The following HEATR1 variants were observed in gnomAD, a reference collection of about 807,000 sequenced individuals.
HEATR1 encodes HEAT repeat containing 1.
HEATR1 carries 77 observed loss-of-function variants against 248.2 expected under a neutral mutation model. That is an observed-to-expected ratio of 0.31 (90% CI 0.26 to 0.37). HEATR1 has a LOEUF of 0.37. HEATR1 is among the 10% of genes least tolerant of loss of function. HEATR1 has a pLI of 1.00. For synonymous variants in HEATR1, 897 were observed against 923.1 expected (o/e 0.97, Z 0.51); for missense variants, 2,420 against 2,504.9 (o/e 0.97, Z 0.72).
At chr1:236,572,031 C>T (rs529093338) in intron 26 of HEATR1, among the ~76,000 whole-genome samples, 3 of 152,138 alleles carry the variant, frequency 2.0e-5, no homozygotes, top group South Asian at 2.1e-4. Context: ...CACAAATCTA[C>T]GTATATAGAA....
At chr1:236,553,452 A>T in intron 43 of HEATR1, 129 bp downstream of exon 43, 1 of 958,774 alleles carries the variant, frequency 1.0e-6, no homozygotes, top group Non-Finnish European at 1.5e-6. Context: ...GACCTCTAGT[A>T]CTGGATGACA....
At position 236,574,658 on chromosome 1, in the gene HEATR1, G is replaced by A. The variant is rs746850980; in HGVS notation, c.3327+3C>T. 6.2e-7 allele frequency: 1 copy of A among 1,609,834 alleles called. No homozygotes were observed. Among genetic ancestry groups the A allele is most frequent in the Non-Finnish European group, 8.5e-7 (1 of 1,178,398 alleles). On this transcript the variant is annotated splice_donor_region_variant and intron_variant, in intron 23 of 44. Coordinates refer to ENST00000366582, the MANE Select transcript of HEATR1 (RefSeq NM_018072.6). ...GCCTTAGTTTCTGAAAGAAATCACT[G>A]ACCTTTTCAAGGGCTGTGATCTGAA...
At chr1:236,580,122 C>T (rs777432463) in intron 20 of HEATR1, among the ~76,000 whole-genome samples, 2 of 152,192 alleles carry the variant, frequency 1.3e-5, no homozygotes, top group South Asian at 2.1e-4. Context: ...ATGTCAATAG[C>T]TCTGTAAGTC....
chr1:236,581,550 A>G (rs1663740212), intron 19 of HEATR1, 136 bp from the exon 20 acceptor site: 1 of 570,694 alleles, frequency 1.8e-6, no homozygotes, highest in South Asian at 3.0e-5. Context: ...ATCATTTCAA[A>G]TTATTCCATA....
At chr1:236,557,984 G>A (rs1663021448) in intron 36 of HEATR1, among the ~76,000 whole-genome samples, 1 of 152,018 alleles carries the variant, frequency 6.6e-6, no homozygotes, top group Non-Finnish European at 1.5e-5. Context: ...TGTTGCCCAG[G>A]CTACAGTGCA....
chr1:236,579,910 A>T (rs1663663696), intron 20 of HEATR1, among the ~76,000 whole-genome samples: 1 of 148,576 alleles, frequency 6.7e-6, no homozygotes, highest in Non-Finnish European at 1.5e-5. Flanking sequence ...AACATTTACA[A>T]AGAGTAATTT....
intron 28 of HEATR1, 84 bp from the exon 29 acceptor site, chr1:236,569,208 T>A: frequency 9.1e-7 from 1 of 1,098,852 alleles, no homozygotes; most frequent in Non-Finnish European, 1.3e-6. Context: ...TCTCGCTCCG[T>A]CATTCAGGCT....
intron 43 of HEATR1, 120 bp from the exon 44 acceptor site, chr1:236,552,227 CA>C: frequency 1.6e-6 from 1 of 619,518 alleles, no homozygotes; most frequent in Non-Finnish European, 2.8e-6. Context: ...TGCGTTTATT[CA>C]CTTCATTATG....
chr1:236,557,947 ATTTC>A (rs1196092746), intron 36 of HEATR1, among the ~76,000 whole-genome samples: 4 of 152,264 alleles, frequency 2.6e-5, no homozygotes, highest in African/African-American at 9.6e-5. Context: ...TTTTATTATT[ATTTC>A]TTTAAGAGAC....
intron 16 of HEATR1, among the ~76,000 whole-genome samples, chr1:236,585,430 G>A (rs1221779590): frequency 6.6e-6 from 1 of 152,126 alleles, no homozygotes. Flanking sequence ...ACTGGTTAAT[G>A]TATTTAAATC....
At position 236,595,822 on chromosome 1, in the gene HEATR1, A is replaced by G. The variant is rs1664163975; in HGVS notation, c.956+11T>C. 1 of 1,606,430 alleles carries G rather than the reference A, an allele frequency of 6.2e-7. No homozygotes were observed. Reference sequence around the variant, plus strand: ...CTGACTAGCACCATTTCTCAATTCAATTGTACATACTTTTTCCCAAGGCTC... The same window carrying G: ...CTGACTAGCACCATTTCTCAATTCAGTTGTACATACTTTTTCCCAAGGCTC... On this transcript the variant is annotated intron_variant, in intron 7 of 44. Coordinates refer to ENST00000366582, the MANE Select transcript of HEATR1 (RefSeq NM_018072.6).
rs1049120592 is a variant in HEATR1, at chr1:236,599,400, G to C, written c.501+83C>G. The C allele has an allele frequency of 6.9e-6, 8 of 1,155,968 alleles. No homozygotes were observed. In the African/African-American group the frequency reaches 1.2e-4, roughly 18 times the overall value. 71.6% of individuals were successfully genotyped at this position (1,155,968 alleles called of 1,614,324 possible). A position where few individuals can be genotyped will look rare whatever the true frequency, so the allele number is the denominator to read the frequency against. On this transcript the variant is annotated intron_variant, in intron 4 of 44. Transcript: ENST00000366582. ...AGGTAGTTATCTGGACTATCCCCAG[G>C]AGCAATGACTTATTTTTTCCTAATT...
rs56115130 is a variant in HEATR1 at position 236,549,689 on chromosome 1, A to C, written c.*1213T>G. Reference sequence around the variant, plus strand: ...AGGCAAGAAGACTCGAGAATCCCCCAGAGTTATTTTTCTCCATAAAGACCA... The same window carrying C: ...AGGCAAGAAGACTCGAGAATCCCCCCGAGTTATTTTTCTCCATAAAGACCA... On this transcript the variant is annotated 3_prime_UTR_variant, in exon 45 of 45. Transcript: ENST00000366582. 8,632 of 152,258 alleles carry C rather than the reference A, an allele frequency of 0.057. 410 individuals are homozygous for C. The highest frequency in any genetic ancestry group is 0.21 in the East Asian group (1,105 of 5,172). The allele number at this position is 152,258 out of a possible 1,614,324, so 9.4% of individuals were successfully genotyped here.
chr1:236,571,057 G>C (rs1317288090), intron 28 of HEATR1, among the ~76,000 whole-genome samples: 2 of 152,226 alleles, frequency 1.3e-5, no homozygotes, highest in African/African-American at 2.4e-5. Flanking sequence ...TTATTAGATA[G>C]ATAGTGTGCC....
rs765248767 is a variant in HEATR1, at chr1:236,571,337, T to C, written c.3948+14A>G. 12 of 1,575,680 alleles carry C rather than the reference T, an allele frequency of 7.6e-6. No homozygotes were observed. The East Asian group carries it at 2.2e-4, about 29-fold the overall frequency. ...CTGAAATATCTGCTAAAATCTTATA[T>C]CATTAACGCTTACCGGAAATATTCC... On this transcript the variant is annotated intron_variant, in intron 28 of 44. Coordinates refer to ENST00000366582, the MANE Select transcript of HEATR1 (RefSeq NM_018072.6).
chr1:236,552,940 A>G (rs951415169), intron 43 of HEATR1: 1 of 152,252 alleles, frequency 6.6e-6, no homozygotes, highest in Admixed American at 6.5e-5. Flanking sequence ...TTGTTAGCAT[A>G]TCCTAATAAA....
chr1:236,581,181 CAGTTGGTCATGACAAAACAT>C, intron 20 of HEATR1, 21 bp downstream of exon 20: 1 of 1,491,906 alleles, frequency 6.7e-7, no homozygotes, highest in Non-Finnish European at 9.3e-7. Context: ...AAAGCATGAA[CAGTTGGTCATGACAAAACAT>C]AACAATGCTA....
In HEATR1 at chr1:236,603,187, T is replaced by G. The variant is rs1233894712; in HGVS notation, c.332A>C (p.Gln111Pro). 1 of 1,613,830 alleles carries G rather than the reference T, an allele frequency of 6.2e-7. No individual in the cohort carries two copies. Among genetic ancestry groups the G allele is most frequent in the African/African-American group, 1.3e-5 (1 of 75,064 alleles). ...GTGAATCAACCACTCCAGACACTTC[T>G]GTGCTGGCTTAAGCAGGAAGTAAGG... ...LSPYFLLKPA[Q>P]KCLEWLIHRF... is the part of the protein sequence containing the mutation. Residue 111 changes from glutamine (Q) to proline (P), a missense_variant, in exon 3 of 45, where the codon CAG (glutamine) becomes CCG (proline). Gln to Pro is a moderately conservative substitution (Grantham distance 76). Transcript: ENST00000366582.
At chr1:236,559,494 TA>T (rs1444740107) in intron 34 of HEATR1, among the ~76,000 whole-genome samples, 2 of 152,244 alleles carry the variant, frequency 1.3e-5, no homozygotes, top group East Asian at 3.8e-4. Flanking sequence ...ACTTAATTAT[TA>T]AAATATACGA....
Sources: allele counts gnomAD v4.1 joint callset (sites outside exome capture counted in the v4.1 genomes callset), GRCh38; gene constraint gnomAD v4.1.1; transcripts MANE v1.5; gene names NCBI Gene and HGNC (gene_info 2026-07-23, HGNC 2026-07-21).